The following UGT1A6 variants were observed in gnomAD, a reference collection of about 807,000 sequenced individuals.
UGT1A6 encodes the protein UDP glucuronosyltransferase family 1 member A6, also known as UDP-glucuronosyltransferase 1A6.
A neutral mutation model predicts 44.4 loss-of-function variants in UGT1A6; 32 were observed. The observed-to-expected ratio is 0.72, with a 90% CI of 0.54 to 0.97. UGT1A6 has a LOEUF of 0.97. Among genes scored for constraint, UGT1A6 ranks in the 50% least tolerant of loss-of-function variants. The pLI, the probability that UGT1A6 is intolerant of heterozygous loss-of-function variation, is 0.00. For missense variants in UGT1A6, 685 were observed against 661.9 expected (o/e 1.03, Z -0.38); for synonymous variants, 238 against 248.5 (o/e 0.96, Z 0.40).
At chr2:233,707,418 T>G (rs752536700) in intron 1 of UGT1A6, among the ~76,000 whole-genome samples, 16 of 152,316 alleles carry the variant, frequency 1.1e-4, no homozygotes, top group Admixed American at 2.6e-4. Flanking sequence ...CTCCCTCGAC[T>G]ATTTCTTTGC....
rs558770255 is a variant in UGT1A6, at chr2:233,763,535, G to A, written c.862-3499G>A. Among the ~76,000 whole-genome samples the A allele has an allele frequency of 7.2e-5, 11 of 152,022 alleles. No homozygotes were observed. The East Asian group carries it at 9.7e-4, about 13-fold the overall frequency. ...TTGACTTTGCCATTCTCCTTTTTCC[G>A]GATTTCTACTGGTTGGTCAAGTTAC... On this transcript the variant is annotated intron_variant, in intron 1 of 4. Coordinates refer to ENST00000305139, the MANE Select transcript of UGT1A6 (RefSeq NM_001072.4).
intron 1 of UGT1A6, among the ~76,000 whole-genome samples, chr2:233,734,657 A>G (rs1389558129): frequency 6.6e-6 from 1 of 152,186 alleles, no homozygotes; most frequent in African/African-American, 2.4e-5. Context: ...ATTTAATGCT[A>G]TAAATTTCCC....
chr2:233,712,323 T>C (rs1173585245), intron 1 of UGT1A6, among the ~76,000 whole-genome samples: 1 of 149,960 alleles, frequency 6.7e-6, no homozygotes, highest in Non-Finnish European at 1.5e-5. Flanking sequence ...ACAAAGCCTT[T>C]CCAAGAATCT....
At chr2:233,772,179 C>T (rs540394959) in intron 4 of UGT1A6, 83 bp from the exon 5 acceptor site, 1 of 1,585,310 alleles carries the variant, frequency 6.3e-7, no homozygotes, top group East Asian at 2.3e-5. Context: ...ATCTGGTAGT[C>T]TTCTTAAGCA....
At position 233,693,441 on chromosome 2, in the gene UGT1A6, C is replaced by T. The variant is rs370800258; in HGVS notation, c.437C>T (p.Ala146Val). The T allele has an allele frequency of 1.7e-5, 27 of 1,614,026 alleles. No homozygotes were observed. In the African/African-American group the frequency reaches 3.2e-4, roughly 19 times the overall value. Residue 146 changes from alanine to valine, a missense_variant, in exon 1 of 5, where the codon GCT (alanine) becomes GTT (valine). By Grantham distance (64) the Ala-to-Val change is moderately conservative. Coordinates refer to ENST00000305139, the MANE Select transcript of UGT1A6 (RefSeq NM_001072.4). ...LNFFKESKFDALFTDPALPCG... is the reference protein window; with the variant it reads ...LNFFKESKFDVLFTDPALPCG... ...TTCTTTAAGGAGAGCAAGTTTGATG[C>T]TCTTTTCACAGACCCAGCCTTACCC...
intron 1 of UGT1A6, among the ~76,000 whole-genome samples, chr2:233,760,000 T>C (rs1697300608): frequency 6.6e-6 from 1 of 152,218 alleles, no homozygotes; most frequent in Admixed American, 6.5e-5. Context: ...TCTGTGGAAA[T>C]ACTAATTTAA....
intron 1 of UGT1A6, among the ~76,000 whole-genome samples, chr2:233,722,841 G>GTT (rs1454578940): frequency 8.8e-6 from 1 of 113,218 alleles, no homozygotes. Context: ...TAATAAGAAT[G>GTT]TTTCTTTTTT....
At position 233,734,617 on chromosome 2, in the gene UGT1A6, T is replaced by G. The variant is rs143652933; in HGVS notation, c.862-32417T>G. On this transcript the variant is annotated intron_variant, in intron 1 of 4. Coordinates refer to ENST00000305139, the MANE Select transcript of UGT1A6 (RefSeq NM_001072.4). ...TTATTTGTGATGTTAGTGTGTTGATTTTAGATCTTTCCTGCTTTCTCCTGT... is the reference window on the plus strand; with the variant it reads ...TTATTTGTGATGTTAGTGTGTTGATGTTAGATCTTTCCTGCTTTCTCCTGT... 1.1e-4 allele frequency among the ~76,000 whole-genome samples: 16 copies of G among 152,330 alleles called. No individual in the cohort carries two copies. The East Asian group carries it at 1.3e-3, about 13-fold the overall frequency.
At position 233,747,983 on chromosome 2, in the gene UGT1A6, C is replaced by G. The variant is rs539831908; in HGVS notation, c.862-19051C>G. ...TCAGCCATGCATCTGTGTGGCTGTT[C>G]CGAGGGGACTTTGTGATGGATTACC... On this transcript the variant is annotated intron_variant, in intron 1 of 4. Transcript: ENST00000305139. The G allele has an allele frequency of 4.2e-5, 67 of 1,613,418 alleles. 2 individuals are homozygous for G. In the African/African-American group the frequency reaches 7.6e-4, roughly 18 times the overall value.
At chr2:233,742,476 C>T (rs1691992737) in intron 1 of UGT1A6, among the ~76,000 whole-genome samples, 1 of 151,926 alleles carries the variant, frequency 6.6e-6, no homozygotes, top group Non-Finnish European at 1.5e-5. Flanking sequence ...AGTAAACTCA[C>T]AACCTTCAGC....
At chr2:233,765,043 G>A (rs987996173) in intron 1 of UGT1A6, among the ~76,000 whole-genome samples, 14 of 152,044 alleles carry the variant, frequency 9.2e-5, no homozygotes, top group Admixed American at 4.6e-4. Flanking sequence ...TGCAAATTGC[G>A]TTTGCTGAGC....
At chr2:233,757,125 G>T (rs1455211055) in intron 1 of UGT1A6, among the ~76,000 whole-genome samples, 1 of 151,320 alleles carries the variant, frequency 6.6e-6, no homozygotes, top group Admixed American at 6.6e-5. Context: ...CTAGAGAGGA[G>T]GAATGAGCTT....
intron 1 of UGT1A6, among the ~76,000 whole-genome samples, chr2:233,757,057 G>A (rs1201778154): frequency 6.6e-6 from 1 of 151,606 alleles, no homozygotes; most frequent in Non-Finnish European, 1.5e-5. Flanking sequence ...TTGGGGAACA[G>A]CAAGGGATCC....
At chr2:233,761,247 T>C (rs1300927004) in intron 1 of UGT1A6, 16 of 1,609,136 alleles carry the variant, frequency 9.9e-6, no homozygotes, top group African/African-American at 1.3e-5. Flanking sequence ...GAGCAAGCAT[T>C]CTGAGATAAT....
At position 233,693,383 on chromosome 2, in the gene UGT1A6, C is replaced by G. The variant is rs201638322; in HGVS notation, c.379C>G (p.Gln127Glu). The change falls in exon 1 of 5, where the codon CAG becomes GAG. Residue 127 changes from glutamine (Q) to glutamate (E), a missense_variant. By Grantham distance (29) the Gln-to-Glu change is conservative. Transcript: ENST00000305139. ...IVIGLYFINC[Q>E]SLLQDRDTLN... ...TATTGGCCTGTACTTCATCAACTGC[C>G]AGAGCCTCCTGCAGGACAGGGACAC... 12 of 1,614,036 alleles carry G rather than the reference C, an allele frequency of 7.4e-6. No homozygotes were observed. The African/African-American group carries it at 1.2e-4, about 16-fold the overall frequency.
intron 1 of UGT1A6, among the ~76,000 whole-genome samples, chr2:233,712,590 A>C (rs1407405670): frequency 6.6e-6 from 1 of 152,212 alleles, no homozygotes; most frequent in Non-Finnish European, 1.5e-5. Context: ...AGCAGAGACC[A>C]TATGGTTGGG....
intron 1 of UGT1A6, chr2:233,743,959 C>T (rs371517697): frequency 1.3e-4 from 174 of 1,333,872 alleles, no homozygotes; most frequent in Non-Finnish European, 1.7e-4. Flanking sequence ...GCACAGCGAG[C>T]GGCAAGGCTG....
At chr2:233,707,718 C>T (rs1485982903) in intron 1 of UGT1A6, among the ~76,000 whole-genome samples, 11 of 152,140 alleles carry the variant, frequency 7.2e-5, no homozygotes, top group Admixed American at 7.2e-4. Context: ...CTACTGTGAA[C>T]AATGTTACAA....
At chr2:233,720,033 T>G (rs13401281) in intron 1 of UGT1A6, among the ~76,000 whole-genome samples, 61,071 of 151,978 alleles carry the variant, frequency 0.4, 13,005 homozygotes, top group African/African-American at 0.54. Context: ...TTTGCTTGCC[T>G]GATTTTCAGC....
Sources: allele counts gnomAD v4.1 joint callset (sites outside exome capture counted in the v4.1 genomes callset), GRCh38; gene constraint gnomAD v4.1.1; transcripts MANE v1.5; gene names NCBI Gene and HGNC (gene_info 2026-07-23, HGNC 2026-07-21).